The following MUC4 variants were observed in gnomAD, a reference collection of about 807,000 sequenced individuals.
The protein encoded by MUC4 is mucin-4.
A neutral mutation model predicts 257.9 loss-of-function variants in MUC4; 202 were observed. The ratio of observed to expected loss-of-function variants is 0.78; its 90% CI spans 0.70 to 0.88. The LOEUF is 0.88. Among genes scored for constraint, MUC4 ranks in the 40% least tolerant of loss-of-function variants. The pLI, the probability that MUC4 is intolerant of heterozygous loss-of-function variation, is 0.00. For synonymous variants in MUC4, 2,351 were observed against 2,757.1 expected (o/e 0.85, Z 4.62); for missense variants, 5,976 against 6,513.7 (o/e 0.92, Z 2.84).
At chr3:195,748,310 TC>T (rs1715559553) in intron 24 of MUC4, among the ~76,000 whole-genome samples, 1 of 152,264 alleles carries the variant, frequency 6.6e-6, no homozygotes, top group African/African-American at 2.4e-5. Context: ...ACGCCTGTAA[TC>T]TCAGCACTTT....
Position 195,753,076 on chromosome 3 carries a change from G to A in MUC4, c.15483C>T (p.Asn5161=). Residue 5161 remains asparagine (N), a synonymous_variant, in exon 20 of 25, where the codon AAC becomes AAT. Transcript: ENST00000463781. ...CTAGGTTGACAGTTGGACTGAAGTT[G>A]TTCCCAGCCAGGAAGCAGCGGCTGT... ...FTDSRCFLAG[N]NFSPTVNLEL... is the part of the protein sequence containing the mutation. 1 of 1,611,030 alleles carries A rather than the reference G, an allele frequency of 6.2e-7. No homozygotes were observed. Among genetic ancestry groups the A allele is most frequent in the South Asian group, 1.1e-5 (1 of 91,002 alleles).
chr3:195,753,335 C>T (rs1716859584), intron 19 of MUC4, 105 bp from the exon 20 acceptor site: 2 of 1,152,552 alleles, frequency 1.7e-6, no homozygotes, highest in South Asian at 1.3e-5. Flanking sequence ...CCCAGTGTTC[C>T]ACTTCGGGCC....
At chr3:195,775,373 A>G (rs1724175467) in intron 3 of MUC4, among the ~76,000 whole-genome samples, 1 of 146,412 alleles carries the variant, frequency 6.8e-6, no homozygotes, top group Admixed American at 6.8e-5. Flanking sequence ...AGCCATACCT[A>G]CCACACTCGT....
chr3:195,775,499 G>T (rs367581382), intron 3 of MUC4, among the ~76,000 whole-genome samples: 12 of 14,502 alleles, frequency 8.3e-4, no homozygotes, highest in Admixed American at 1.5e-3. Context: ...ACCTTCCACA[G>T]CCATACCTTC....
At chr3:195,798,824 C>T (rs1013112923) in intron 1 of MUC4, among the ~76,000 whole-genome samples, 3 of 152,208 alleles carry the variant, frequency 2.0e-5, no homozygotes, top group African/African-American at 4.8e-5. Flanking sequence ...ATACTAGCTT[C>T]GTAAACATAG....
In MUC4 at chr3:195,788,806, G is replaced by T. The variant is rs77857169; in HGVS notation, c.2774C>A (p.Ala925Glu). The change falls in exon 2 of 25, where the codon GCG becomes GAG. Residue 925 changes from alanine (A) to glutamate (E), a missense_variant. Around this residue, in one of 44 missense-constraint regions of MUC4, gnomAD observed 1,583 missense variants for 1,257.4 expected, o/e 1.26. Transcript: ENST00000463781. ...TSRGSDTISL[A>E]SQATDTFSTV... Reference sequence around the variant, plus strand: ...TGAGAAGGTGTCGGTTGCCTGGGACGCCAGGCTGATAGTGTCAGACCCTCT... The same window carrying T: ...TGAGAAGGTGTCGGTTGCCTGGGACTCCAGGCTGATAGTGTCAGACCCTCT... 881 of 1,613,898 alleles carry T rather than the reference G, an allele frequency of 5.5e-4. 6 individuals are homozygous for T. In the African/African-American group the frequency reaches 0.011, roughly 19 times the overall value.
chr3:195,751,367 C>A lies in MUC4; in HGVS notation c.15583-96G>T, dbSNP rs1716404898. Reference sequence around the variant, plus strand: ...ATGGGTGTATTCATCCCTGTTTCCTCCTGGAACGGGAGCCCCAGGACCCCA... The same window carrying A: ...ATGGGTGTATTCATCCCTGTTTCCTACTGGAACGGGAGCCCCAGGACCCCA... On this transcript the variant is annotated intron_variant, in intron 21 of 24. Coordinates refer to ENST00000463781, the MANE Select transcript of MUC4 (RefSeq NM_018406.7). 9.2e-6 allele frequency: 9 copies of A among 977,824 alleles called. No individual in the cohort carries two copies. The South Asian group carries it at 1.1e-4, about 12-fold the overall frequency. 60.6% of individuals were successfully genotyped at this position (977,824 alleles called of 1,614,324 possible). A position where few individuals can be genotyped will look rare whatever the true frequency, so the allele number is the denominator to read the frequency against.
Position 195,790,545 on chromosome 3 carries a change from T to C in MUC4, c.1035A>G (p.Thr345=). The part of the protein sequence containing the change: ...VSQINTLNTL[T]PVTTSTVLSS... ...ATAAAACAGTTGATGTTGTAACCGG[T>C]GTGAGGGTGTTGAGGGTGTTGATTT... The change falls in exon 2 of 25, where the codon ACA becomes ACG. Residue 345 remains threonine (T), a synonymous_variant. Transcript: ENST00000463781. 6.2e-7 allele frequency: 1 copy of C among 1,613,930 alleles called. No homozygotes were observed. Among genetic ancestry groups the C allele is most frequent in the Non-Finnish European group, 8.5e-7 (1 of 1,179,874 alleles).
chr3:195,770,686 G>A (rs998271825), intron 5 of MUC4: 2 of 464,188 alleles, frequency 4.3e-6, no homozygotes, highest in Admixed American at 3.3e-5. Context: ...ACCTCCCCAT[G>A]CCTAATCTGC....
chr3:195,790,396 C>G lies in MUC4; in HGVS notation c.1184G>C (p.Arg395Thr), dbSNP rs1484616442. ...AGTAGAGTCTCTGGAGGTTGGCATTCTGAACACCTTTGATGTTACCAGGAA... is the reference window on the plus strand; with the variant it reads ...AGTAGAGTCTCTGGAGGTTGGCATTGTGAACACCTTTGATGTTACCAGGAA... ...NTFLVTSKVF[R>T]MPTSRDSTLG... is the part of the protein sequence containing the mutation. Residue 395 changes from arginine to threonine, a missense_variant, in exon 2 of 25, where the codon AGA (arginine) becomes ACA (threonine). Arg to Thr is a moderately conservative substitution (Grantham distance 71). Around this residue, in one of 44 missense-constraint regions of MUC4, gnomAD observed 1,583 missense variants for 1,257.4 expected, o/e 1.26. Transcript: ENST00000463781. The G allele has an allele frequency of 6.2e-7, 1 of 1,613,700 alleles. No individual in the cohort carries two copies. The highest frequency in any genetic ancestry group is 8.5e-7 in the Non-Finnish European group (1 of 1,179,670).
rs1294121867 is a variant in MUC4, at chr3:195,786,917, C to T, written c.4663G>A (p.Val1555Ile). Residue 1555 changes from valine (V) to isoleucine (I), a missense_variant, in exon 2 of 25, where the codon GTC becomes ATC. Val to Ile is a conservative substitution (Grantham distance 29). Transcript: ENST00000463781. ...GTGGATACTGAGGAAGCGTCGGTGA[C>T]AGGAAGAGGGGTGGTGTCACCTGTG... The part of the protein sequence containing the change: ...ASTGDTTPLP[V>I]TDASSVSTGH... 2.8e-5 allele frequency: 42 copies of T among 1,498,952 alleles called. No homozygotes were observed. The highest frequency in any genetic ancestry group is 3.8e-5 in the Non-Finnish European group (42 of 1,113,992). 92.9% of individuals were successfully genotyped at this position (1,498,952 alleles called of 1,614,324 possible).
chr3:195,778,299 T>G lies in MUC4; in HGVS notation c.12943+4A>C. On this transcript the variant is annotated splice_donor_region_variant and intron_variant, in intron 3 of 24. Coordinates refer to ENST00000463781, the MANE Select transcript of MUC4 (RefSeq NM_018406.7). ...AGGCACAGGCCTCACCTGTATGGCC[T>G]CACCTCTCTCAGGCAGGATGGGGAT... The G allele has an allele frequency of 6.2e-7, 1 of 1,607,592 alleles. No individual in the cohort carries two copies. Among genetic ancestry groups the G allele is most frequent in the Non-Finnish European group, 8.5e-7 (1 of 1,177,810 alleles).
chr3:195,778,833 A>T lies in MUC4; in HGVS notation c.12747T>A (p.Ala4249=), dbSNP rs371902592. 31 of 1,611,884 alleles carry T rather than the reference A, an allele frequency of 1.9e-5. No individual in the cohort carries two copies. The highest frequency in any genetic ancestry group is 6.7e-5 in the Admixed American group (4 of 59,838). ...TPLAVSSATS[A]STVSSDSPLK... ...GAGGGGAGTCCGAGGATACTGTGGA[A>T]GCTGAGGTAGCACTGCTGACAGCAA... The change falls in exon 2 of 25, where the codon GCT becomes GCA. Residue 4249 remains alanine, a synonymous_variant. Transcript: ENST00000463781.
At position 195,789,930 on chromosome 3, in the gene MUC4, G is replaced by C. The variant is rs748075639; in HGVS notation, c.1650C>G (p.Ser550=). 1 of 1,613,986 alleles carries C rather than the reference G, an allele frequency of 6.2e-7. No homozygotes were observed. The highest frequency in any genetic ancestry group is 1.1e-5 in the South Asian group (1 of 91,076). The change falls in exon 2 of 25, where the codon TCC becomes TCG. Residue 550 remains serine (S), a synonymous_variant. Coordinates refer to ENST00000463781, the MANE Select transcript of MUC4 (RefSeq NM_018406.7). ...TTGTTTTTGGGAGAGTTGTGCTGTG[G>C]GAGGAGTATGTGGTGGGCTCTCCTG... ...GEPGEPTTYS[S]HSTTLPKTTG...
chr3:195,783,179 G>T lies in MUC4; in HGVS notation c.8401C>A (p.Leu2801Ile), dbSNP rs1400919888. 9 of 1,460,956 alleles carry T rather than the reference G, an allele frequency of 6.2e-6. No individual in the cohort carries two copies. The African/African-American group carries it at 1.3e-4, about 21-fold the overall frequency. The allele number at this position is 1,460,956 out of a possible 1,614,324, so 90.5% of individuals were successfully genotyped here. ...SSASTGHTTP[L>I]PVTDASSVST... ...ACTGACGAAGCGTCGGTGACAGGAAGAGGGGTGGTGTGACCTGTGGATGCT... is the reference window on the plus strand; with the variant it reads ...ACTGACGAAGCGTCGGTGACAGGAATAGGGGTGGTGTGACCTGTGGATGCT... The change falls in exon 2 of 25, where the codon CTT (leucine) becomes ATT (isoleucine). Residue 2801 changes from leucine (L) to isoleucine (I), a missense_variant. Physicochemically the swap from Leu to Ile is conservative, Grantham distance 5. Around this residue, in one of 44 missense-constraint regions of MUC4, gnomAD observed 228 missense variants for 206.3 expected, o/e 1.11. Transcript: ENST00000463781.
intron 1 of MUC4, among the ~76,000 whole-genome samples, chr3:195,802,181 CA>C (rs1735408884): frequency 6.6e-6 from 1 of 152,216 alleles, no homozygotes; most frequent in African/African-American, 2.4e-5. Flanking sequence ...ATGCTAACAA[CA>C]GTCCCCCAGA....
rs762760991 is a variant in MUC4 at position 195,791,524 on chromosome 3, G to A, written c.83-27C>T. 4 of 1,478,200 alleles carry A rather than the reference G, an allele frequency of 2.7e-6. No homozygotes were observed. The South Asian group carries it at 3.5e-5, about 13-fold the overall frequency. The allele number at this position is 1,478,200 out of a possible 1,614,324, so 91.6% of individuals were successfully genotyped here. A position where few individuals can be genotyped will look rare whatever the true frequency, so the allele number is the denominator to read the frequency against. Reference sequence around the variant, plus strand: ...TGGAGTGAACCAAAATAGGCAAGCAGAGAGCTAAATCATGAATGAACTCCT... The same window carrying A: ...TGGAGTGAACCAAAATAGGCAAGCAAAGAGCTAAATCATGAATGAACTCCT... On this transcript the variant is annotated intron_variant, in intron 1 of 24. Coordinates refer to ENST00000463781, the MANE Select transcript of MUC4 (RefSeq NM_018406.7).
intron 12 of MUC4, 114 bp from the exon 13 acceptor site, chr3:195,763,059 C>T (rs76733630): frequency 0.18 from 154,363 of 873,040 alleles, 14,558 homozygotes; most frequent in Middle Eastern, 0.21. Context: ...GGGAGGAAGG[C>T]GCTGGAGGCC....
At chr3:195,764,876 C>A in intron 10 of MUC4, 121 bp downstream of exon 10, 1 of 1,397,392 alleles carries the variant, frequency 7.2e-7, no homozygotes, top group South Asian at 1.3e-5. Context: ...TAACGTTACC[C>A]GATCAGGAAG....
Sources: allele counts gnomAD v4.1 joint callset (sites outside exome capture counted in the v4.1 genomes callset), GRCh38; gene constraint gnomAD v4.1.1; regional missense constraint gnomAD v4.1.1; transcripts MANE v1.5; gene names NCBI Gene and HGNC (gene_info 2026-07-23, HGNC 2026-07-21).